Variants in EDA2R observed in about 807,000 individuals in gnomAD.
EDA2R encodes the protein tumor necrosis factor receptor superfamily member 27.
EDA2R carries 26 observed loss-of-function variants against 20.1 expected under a neutral mutation model. The ratio of observed to expected loss-of-function variants is 1.30; its 90% confidence interval spans 0.95 to 1.80. The LOEUF is 1.80. Among genes scored for constraint, EDA2R ranks in the 40% most tolerant of loss-of-function variants. The pLI is 0.00. For synonymous variants in EDA2R, 114 were observed against 88.7 expected (o/e 1.29, Z -1.60); for missense variants, 277 against 228.7 (o/e 1.21, Z -1.36).
intron 1 of EDA2R, among the ~76,000 whole-genome samples, chrX:66,635,820 C>A (rs1161598158): frequency 8.9e-6 from 1 of 112,317 alleles, no homozygotes; most frequent in African/African-American, 3.2e-5. Context: ...AATAAATCTG[C>A]AATTCCCTCA....
At chrX:66,603,448 G>T (rs1163764959) in intron 4 of EDA2R, among the ~76,000 whole-genome samples, 2 of 111,367 alleles carry the variant, frequency 1.8e-5, no homozygotes, top group Admixed American at 9.6e-5. Flanking sequence ...CCAATGAACT[G>T]TGAGTTGAAA....
intron 1 of EDA2R, among the ~76,000 whole-genome samples, chrX:66,626,412 G>C (rs561123582): frequency 9.0e-6 from 1 of 111,669 alleles, no homozygotes; most frequent in African/African-American, 3.2e-5. Flanking sequence ...ATAGAAGAAA[G>C]AAATTCACGA....
At chrX:66,614,339 T>G (rs1931297725) in intron 2 of EDA2R, among the ~76,000 whole-genome samples, 1 of 111,942 alleles carries the variant, frequency 8.9e-6, no homozygotes, top group African/African-American at 3.2e-5. Flanking sequence ...AAAGGTTGCC[T>G]GTCTCCAGAC....
At chrX:66,610,149 G>A (rs1404723204) in intron 2 of EDA2R, among the ~76,000 whole-genome samples, 1 of 110,790 alleles carries the variant, frequency 9.0e-6, no homozygotes, top group Non-Finnish European at 1.9e-5. Context: ...TTTATATTCC[G>A]ATAACACAGA....
rs73632129 is a variant in EDA2R, at chrX:66,600,153, A to G, written c.518-293T>C. 2,232 of 889,293 alleles carry G rather than the reference A, an allele frequency of 2.5e-3. 26 individuals carry two copies. In the African/African-American group the frequency reaches 0.038, roughly 15 times the overall value. 73.3% of individuals were successfully genotyped at this position (889,293 alleles called of 1,213,427 possible). On this transcript the variant is annotated intron_variant, in intron 5 of 6. Coordinates refer to ENST00000374719, the MANE Select transcript of EDA2R (RefSeq NM_021783.5). Reference sequence around the variant, plus strand: ...ATTTTGATACCATCTCCCTTGCCATAATCTTCATGGCCTGGTCTTATGTCT... The same window carrying G: ...ATTTTGATACCATCTCCCTTGCCATGATCTTCATGGCCTGGTCTTATGTCT...
intron 2 of EDA2R, among the ~76,000 whole-genome samples, chrX:66,611,450 T>C (rs944348435): frequency 3.6e-5 from 4 of 112,218 alleles, no homozygotes; most frequent in Non-Finnish European, 5.6e-5. Context: ...AAAAACAATT[T>C]AAAATTCTCT....
chrX:66,606,436 TGCTGACACCCCTG>T (rs1929696008), intron 2 of EDA2R, among the ~76,000 whole-genome samples: 2 of 111,799 alleles, frequency 1.8e-5, no homozygotes, highest in South Asian at 7.5e-4. Flanking sequence ...TTCCAGTGCA[TGCTGACACCCCTG>T]GAAACCTTGG....
chrX:66,635,571 G>A lies in EDA2R; in HGVS notation c.-11+3424C>T, dbSNP rs776058950. Among the ~76,000 whole-genome samples the A allele has an allele frequency of 8.0e-5, 9 of 112,632 alleles. No homozygotes were observed. In the South Asian group the frequency reaches 3.3e-3, roughly 41 times the overall value. ...AATTCTCTCAAAGAGGGAATAACTG[G>A]TATAAGGTAATTGGAGGATCCCTCT... is the stretch of plus-strand genomic sequence containing the variant. On this transcript the variant is annotated intron_variant, in intron 1 of 6. Transcript: ENST00000374719.
chrX:66,638,832 G>A (rs985161047), intron 1 of EDA2R, among the ~76,000 whole-genome samples, 163 bp downstream of exon 1: 4 of 110,870 alleles, frequency 3.6e-5, no homozygotes, highest in African/African-American at 1.3e-4. Context: ...AGCGCTCTCC[G>A]GACACAAATG....
At chrX:66,609,800 A>G (rs756593159) in intron 2 of EDA2R, among the ~76,000 whole-genome samples, 2 of 112,256 alleles carry the variant, frequency 1.8e-5, no homozygotes, top group Non-Finnish European at 3.8e-5. Context: ...AATGGAGAAT[A>G]GCTGGCTTTT....
At chrX:66,624,726 G>A (rs1602295675) in intron 1 of EDA2R, among the ~76,000 whole-genome samples, 3 of 111,052 alleles carry the variant, frequency 2.7e-5, no homozygotes, top group Admixed American at 9.6e-5. Context: ...GCTCCAGGAC[G>A]ACTGCAAGAA....
intron 1 of EDA2R, among the ~76,000 whole-genome samples, chrX:66,623,573 T>C (rs913482384): frequency 8.9e-6 from 1 of 111,930 alleles, no homozygotes; most frequent in Non-Finnish European, 1.9e-5. Flanking sequence ...TAATGGCCAA[T>C]AGAGACCTTA....
At chrX:66,619,307 T>C (rs1932219234) in intron 1 of EDA2R, among the ~76,000 whole-genome samples, 1 of 112,481 alleles carries the variant, frequency 8.9e-6, no homozygotes, top group African/African-American at 3.2e-5. Flanking sequence ...TTGTTCTAAG[T>C]GTTTGCTGGA....
intron 2 of EDA2R, among the ~76,000 whole-genome samples, chrX:66,605,566 T>G (rs1425813938): frequency 8.9e-6 from 1 of 111,954 alleles, no homozygotes; most frequent in Admixed American, 9.5e-5. Flanking sequence ...TACCAGGGGG[T>G]TCCTGAGGAC....
At chrX:66,608,415 G>T (rs1299610281) in intron 2 of EDA2R, among the ~76,000 whole-genome samples, 1 of 111,599 alleles carries the variant, frequency 9.0e-6, no homozygotes, top group African/African-American at 3.3e-5. Context: ...AATGTTTATA[G>T]CTGAAAACAA....
At chrX:66,625,945 C>A (rs1230464208) in intron 1 of EDA2R, among the ~76,000 whole-genome samples, 1 of 111,587 alleles carries the variant, frequency 9.0e-6, no homozygotes, top group African/African-American at 3.3e-5. Flanking sequence ...CACAGGAAGC[C>A]ACATCCATAG....
intron 1 of EDA2R, among the ~76,000 whole-genome samples, chrX:66,621,145 C>A (rs893821632): frequency 9.1e-6 from 1 of 110,236 alleles, no homozygotes; most frequent in Non-Finnish European, 1.9e-5. Flanking sequence ...GGGATGGTGG[C>A]AGGCACCTGT....
At chrX:66,633,743 T>TA (rs757040223) in intron 1 of EDA2R, among the ~76,000 whole-genome samples, 3 of 111,599 alleles carry the variant, frequency 2.7e-5, no homozygotes, top group South Asian at 7.5e-4. Flanking sequence ...TACGGTATAA[T>TA]AAAAAAATTA....
intron 2 of EDA2R, among the ~76,000 whole-genome samples, chrX:66,606,559 A>G (rs1037790348): frequency 2.7e-5 from 3 of 112,399 alleles, no homozygotes; most frequent in Non-Finnish European, 5.6e-5. Flanking sequence ...AACAAGCAGG[A>G]ACTGTCATAA....
Sources: gnomAD v4.1 joint callset for allele counts (sites outside exome capture counted in the v4.1 genomes callset) on GRCh38, gnomAD v4.1.1 for gene constraint, MANE v1.5 for transcripts, NCBI Gene and HGNC (gene_info 2026-07-23, HGNC 2026-07-21) for gene names.